Variants in PPP2R3A observed in about 807,000 individuals in gnomAD.
The protein encoded by PPP2R3A is protein phosphatase 2 regulatory subunit B''alpha.
Under a neutral mutation model 106.9 loss-of-function variants are expected in PPP2R3A, and 80 were observed. The ratio of observed to expected loss-of-function variants is 0.75; its 90% confidence interval spans 0.62 to 0.90. The LOEUF (loss-of-function observed/expected upper bound fraction) is 0.90, where lower values mean the gene tolerates loss of function less well. PPP2R3A is among the 40% of genes least tolerant of loss of function. The pLI, the probability that PPP2R3A is intolerant of heterozygous loss-of-function variation, is 0.00. For synonymous variants in PPP2R3A, 483 were observed against 468.3 expected, an observed-to-expected ratio of 1.03 and a Z score of -0.41; for missense variants, 1,386 against 1,350.4, an observed-to-expected ratio of 1.03 and a Z score of -0.41.
intron 1 of PPP2R3A, among the ~76,000 whole-genome samples, chr3:135,983,485 A>G (rs1937566277): frequency 6.6e-6 from 1 of 152,222 alleles, no homozygotes; most frequent in African/African-American, 2.4e-5. Flanking sequence ...AGACTTTGCA[A>G]ATAAGTGGAA....
chr3:136,074,509 TG>T (rs1352003552), intron 6 of PPP2R3A, among the ~76,000 whole-genome samples: 4 of 152,262 alleles, frequency 2.6e-5, no homozygotes, highest in Admixed American at 1.3e-4. Flanking sequence ...TTTTGCATGC[TG>T]TGCAAAAATT....
chr3:136,059,785 A>G (rs1936014362), intron 5 of PPP2R3A, among the ~76,000 whole-genome samples: 1 of 152,220 alleles, frequency 6.6e-6, no homozygotes. Context: ...TACCCTATGG[A>G]ATACTATGCA....
intron 3 of PPP2R3A, among the ~76,000 whole-genome samples, chr3:136,038,098 C>A (rs1450487885): frequency 6.6e-6 from 1 of 152,112 alleles, no homozygotes; most frequent in African/African-American, 2.4e-5. Flanking sequence ...CTCCTTTTAC[C>A]TTAAATCTTT....
intron 2 of PPP2R3A, among the ~76,000 whole-genome samples, chr3:136,022,565 C>T (rs1346394613): frequency 1.3e-5 from 2 of 151,976 alleles, no homozygotes; most frequent in Non-Finnish European, 2.9e-5. Context: ...AGAGAAAAAG[C>T]CGAAAATGTT....
Position 136,001,754 on chromosome 3 carries a change from T to C in PPP2R3A, c.256T>C (p.Tyr86His). The change falls in exon 2 of 14, where the codon TAT becomes CAT. Residue 86 changes from tyrosine to histidine, a missense_variant. By Grantham distance (83) the Tyr-to-His change is moderately conservative. Coordinates refer to ENST00000264977, the MANE Select transcript of PPP2R3A (RefSeq NM_002718.5). Reference protein sequence around the residue: ...ENGLSSAEGDYPQQAFTGIPR... With the variant: ...ENGLSSAEGDHPQQAFTGIPR... ...TGGGCTTTCTTCGGCTGAAGGAGAC[T>C]ATCCCCAACAGGCCTTCACAGGCAT... is the stretch of plus-strand genomic sequence containing the variant. 7 of 1,614,184 alleles carry C rather than the reference T, an allele frequency of 4.3e-6. No homozygotes were observed. Among genetic ancestry groups the C allele is most frequent in the Non-Finnish European group, 5.9e-6 (7 of 1,180,030 alleles).
chr3:136,145,107 A>G lies in PPP2R3A; in HGVS notation c.3394A>G (p.Ile1132Val). ...PSEFGNKSNK[I>V]LSASLPEKCG... Reference sequence around the variant, plus strand: ...TGAATTTGGAAACAAAAGCAATAAAATATTAAGTGCAAGCCTTCCAGAGAA... The same window carrying G: ...TGAATTTGGAAACAAAAGCAATAAAGTATTAAGTGCAAGCCTTCCAGAGAA... The change falls in exon 14 of 14, where the codon ATA becomes GTA. Residue 1132 changes from isoleucine (I) to valine (V), a missense_variant. Transcript: ENST00000264977. 2 of 1,613,968 alleles carry G rather than the reference A, an allele frequency of 1.2e-6. No homozygotes were observed. The highest frequency in any genetic ancestry group is 1.7e-6 in the Non-Finnish European group (2 of 1,179,886).
intron 5 of PPP2R3A, among the ~76,000 whole-genome samples, chr3:136,049,856 C>A (rs1312961137): frequency 1.3e-5 from 2 of 152,136 alleles, no homozygotes; most frequent in African/African-American, 4.8e-5. Context: ...TGCTTGGTTT[C>A]CTGATTCTTC....
intron 2 of PPP2R3A, among the ~76,000 whole-genome samples, chr3:136,005,805 A>G (rs550914512): frequency 3.3e-5 from 5 of 152,276 alleles, no homozygotes; most frequent in Non-Finnish European, 5.9e-5. Flanking sequence ...TTATCTCACT[A>G]TTTTCCCTCA....
At chr3:136,025,717 G>A (rs1369891034) in intron 2 of PPP2R3A, among the ~76,000 whole-genome samples, 1 of 152,034 alleles carries the variant, frequency 6.6e-6, no homozygotes, top group Non-Finnish European at 1.5e-5. Context: ...ATTTAAGGAA[G>A]AAATTTGAAT....
Position 136,041,250 on chromosome 3 carries a change from G to GTTTTTTTTTTTTTTTTTTT in PPP2R3A, c.2366+299_2366+300insTTTTTTTTTTTTTTTTTTT, listed in dbSNP as rs1246326384. 1.8e-4 allele frequency among the ~76,000 whole-genome samples: 10 copies of GTTTTTTTTTTTTTTTTTTT among 56,564 alleles called. 2 individuals are homozygous for GTTTTTTTTTTTTTTTTTTT. The highest frequency in any genetic ancestry group is 2.2e-4 in the Non-Finnish European group (6 of 26,860). 37.1% of individuals were successfully genotyped at this position (56,564 alleles called of 152,430 possible). A position where few individuals can be genotyped will look rare whatever the true frequency, so the allele number is the denominator to read the frequency against. ...CTTGGTTTTTCTTGTTTTTTTTTTTGTTTTTTTTTTTGTTTTTTTTTTTTT... is the reference window on the plus strand; with the variant it reads ...CTTGGTTTTTCTTGTTTTTTTTTTTGTTTTTTTTTTTTTTTTTTTTTTTTTTTTTTGTTTTTTTTTTTTT... On this transcript the variant is annotated intron_variant, in intron 4 of 13. Coordinates refer to ENST00000264977, the MANE Select transcript of PPP2R3A (RefSeq NM_002718.5).
intron 5 of PPP2R3A, among the ~76,000 whole-genome samples, chr3:136,058,398 A>C (rs1419302882): frequency 6.6e-6 from 1 of 152,170 alleles, no homozygotes; most frequent in African/African-American, 2.4e-5. Flanking sequence ...CAAATCAGGA[A>C]TGAACTCCCA....
chr3:136,058,975 A>G lies in PPP2R3A; in HGVS notation c.2469+9614A>G, dbSNP rs1935978300. On this transcript the variant is annotated intron_variant, in intron 5 of 13. Coordinates refer to ENST00000264977, the MANE Select transcript of PPP2R3A (RefSeq NM_002718.5). ...AAACTAGATGCCTTTCTTATACCAT[A>G]TACAAAAATTAACTCAAGATGGATT... Among the ~76,000 whole-genome samples the G allele has an allele frequency of 2.0e-5, 3 of 152,370 alleles. No individual in the cohort carries two copies. In the South Asian group the frequency reaches 6.2e-4, roughly 32 times the overall value.
intron 13 of PPP2R3A, among the ~76,000 whole-genome samples, chr3:136,141,136 T>TCTTCA (rs1938857438): frequency 6.6e-6 from 1 of 152,188 alleles, no homozygotes; most frequent in Non-Finnish European, 1.5e-5. Context: ...ACAGATTTAA[T>TCTTCA]TATGTAAATA....
intron 8 of PPP2R3A, among the ~76,000 whole-genome samples, chr3:136,084,299 G>A (rs549141690): frequency 9.9e-5 from 15 of 152,260 alleles, no homozygotes; most frequent in Admixed American, 3.3e-4. Flanking sequence ...AGCTCAGGCC[G>A]TTGCTTCAGA....
chr3:136,003,610 A>G (rs1326707764), intron 2 of PPP2R3A, 117 bp downstream of exon 2: 4 of 844,508 alleles, frequency 4.7e-6, no homozygotes, highest in South Asian at 2.1e-5. Flanking sequence ...GCTCTGCCCT[A>G]CACTAGGAAT....
chr3:136,079,795 A>G lies in PPP2R3A; in HGVS notation c.2631+1342A>G, dbSNP rs150896843. Among the ~76,000 whole-genome samples the G allele has an allele frequency of 4.1e-3, 629 of 151,922 alleles. 5 individuals are homozygous for G. Among genetic ancestry groups the G allele is most frequent in the African/African-American group, 0.015 (602 of 41,396 alleles). On this transcript the variant is annotated intron_variant, in intron 7 of 13. Transcript: ENST00000264977. ...AAAATTTGAGGCCCAAATATACTTA[A>G]ATGATTTGTATAAGATCACACAAAA... is the stretch of plus-strand genomic sequence containing the variant.
intron 1 of PPP2R3A, among the ~76,000 whole-genome samples, chr3:135,990,711 A>G (rs1206385626): frequency 2.0e-5 from 3 of 152,154 alleles, no homozygotes; most frequent in Admixed American, 6.6e-5. Context: ...TGATTAGTCA[A>G]CTTAAGCCCC....
At chr3:136,093,773 C>T (rs560303768) in intron 10 of PPP2R3A, among the ~76,000 whole-genome samples, 2 of 152,306 alleles carry the variant, frequency 1.3e-5, no homozygotes, top group South Asian at 4.1e-4. Flanking sequence ...GTGGAAAAAT[C>T]GGAACCCTCA....
chr3:135,966,181 G>A (rs1464125917), intron 1 of PPP2R3A, among the ~76,000 whole-genome samples: 1 of 152,148 alleles, frequency 6.6e-6, no homozygotes, highest in Non-Finnish European at 1.5e-5. Flanking sequence ...ACTTTTCAGG[G>A]CTCCTGGGCC....
Sources: gnomAD v4.1 joint callset for allele counts (sites outside exome capture counted in the v4.1 genomes callset) on GRCh38, gnomAD v4.1.1 for gene constraint, MANE v1.5 for transcripts, NCBI Gene and HGNC (gene_info 2026-07-23, HGNC 2026-07-21) for gene names.